The following CDR2 variants were observed in gnomAD, a reference collection of about 807,000 sequenced individuals.
The protein encoded by CDR2 is cerebellar degeneration-related protein 2.
In CDR2, 34 loss-of-function variants were observed where a neutral mutation model predicts 48.4. That is an observed-to-expected ratio of 0.70 (90% CI 0.53 to 0.94). The LOEUF is 0.94. Among genes scored for constraint, CDR2 ranks in the 40% least tolerant of loss-of-function variants. CDR2 has a pLI of 0.00. For missense variants in CDR2, 498 were observed against 549.5 expected (o/e 0.91, Z 0.94); for synonymous variants, 240 against 219.7 (o/e 1.09, Z -0.82).
chr16:22,352,628 C>T (rs1287747102), intron 2 of CDR2, among the ~76,000 whole-genome samples: 1 of 151,924 alleles, frequency 6.6e-6, no homozygotes, highest in African/African-American at 2.4e-5. Flanking sequence ...CTATAAACAG[C>T]CTCACATCAG....
intron 1 of CDR2, among the ~76,000 whole-genome samples, chr16:22,368,460 G>T (rs758346788): frequency 4.6e-5 from 7 of 152,172 alleles, no homozygotes; most frequent in Non-Finnish European, 1.0e-4. Flanking sequence ...TCCGCCCACC[G>T]CGGCCTCCCC....
At position 22,347,392 on chromosome 16, in the gene CDR2, G is replaced by A. The variant is rs754719101; in HGVS notation, c.938C>T (p.Thr313Met). Reference protein sequence around the residue: ...RKPLKRSSSETILSSLAGSDI... With the variant: ...RKPLKRSSSEMILSSLAGSDI... ...ACTCCCTGCCAAGCTGCTGAGGATC[G>A]TCTCACTGCTGCTGCGCTTGAGAGG... Residue 313 changes from threonine (T) to methionine (M), a missense_variant, in exon 5 of 5, where the codon ACG becomes ATG. Coordinates refer to ENST00000268383, the MANE Select transcript of CDR2 (RefSeq NM_001802.2). 7 of 1,614,166 alleles carry A rather than the reference G, an allele frequency of 4.3e-6. No homozygotes were observed. The South Asian group carries it at 5.5e-5, about 13-fold the overall frequency.
intron 2 of CDR2, among the ~76,000 whole-genome samples, chr16:22,355,112 T>C (rs974100569): frequency 6.6e-6 from 1 of 152,244 alleles, no homozygotes; most frequent in African/African-American, 2.4e-5. Context: ...CATACATTTC[T>C]AGGACGTTTT....
chr16:22,354,033 G>A (rs916215489), intron 2 of CDR2, among the ~76,000 whole-genome samples: 5 of 152,238 alleles, frequency 3.3e-5, no homozygotes, highest in African/African-American at 9.6e-5. Flanking sequence ...AGAAGCTACT[G>A]TCATCTTTAT....
chr16:22,359,685 C>T (rs140308515), intron 2 of CDR2, among the ~76,000 whole-genome samples: 2 of 152,234 alleles, frequency 1.3e-5, no homozygotes, highest in East Asian at 3.9e-4. Context: ...TAGCTATTTG[C>T]AATTAAAATT....
At chr16:22,363,680 T>A (rs2049026011) in intron 2 of CDR2, among the ~76,000 whole-genome samples, 1 of 152,168 alleles carries the variant, frequency 6.6e-6, no homozygotes, top group South Asian at 2.1e-4. Context: ...CTGGGTCTAC[T>A]GTACCAATTT....
chr16:22,352,800 C>T (rs924488673), intron 2 of CDR2, among the ~76,000 whole-genome samples: 7 of 152,172 alleles, frequency 4.6e-5, no homozygotes, highest in Admixed American at 3.9e-4. Context: ...GCACATGGCA[C>T]GGTCTATAAA....
At chr16:22,371,994 C>G (rs1018633964) in intron 1 of CDR2, among the ~76,000 whole-genome samples, 14 of 152,056 alleles carry the variant, frequency 9.2e-5, no homozygotes, top group Non-Finnish European at 1.6e-4. Flanking sequence ...CCTCAGCCTC[C>G]CGAGTAGCTG....
At chr16:22,351,690 A>C (rs1222544281) in intron 2 of CDR2, among the ~76,000 whole-genome samples, 2 of 152,194 alleles carry the variant, frequency 1.3e-5, no homozygotes, top group Non-Finnish European at 2.9e-5. Context: ...ATTCACGAGA[A>C]ATTTATCAGA....
intron 2 of CDR2, among the ~76,000 whole-genome samples, chr16:22,359,003 T>C (rs1231109794): frequency 6.6e-6 from 1 of 152,228 alleles, no homozygotes; most frequent in African/African-American, 2.4e-5. Flanking sequence ...TTGGAGGTCA[T>C]GGTTATCTCA....
At chr16:22,350,400 G>A (rs1452798658) in intron 2 of CDR2, among the ~76,000 whole-genome samples, 6 of 152,058 alleles carry the variant, frequency 3.9e-5, no homozygotes, top group Non-Finnish European at 7.4e-5. Context: ...ATTGGCCATT[G>A]GTGACTGAAC....
chr16:22,354,645 T>C (rs1042620204), intron 2 of CDR2, among the ~76,000 whole-genome samples: 2 of 151,844 alleles, frequency 1.3e-5, no homozygotes, highest in Non-Finnish European at 2.9e-5. Flanking sequence ...CCCAGCACTT[T>C]GGGAGGCCAA....
chr16:22,371,941 A>G (rs968230666), intron 1 of CDR2, among the ~76,000 whole-genome samples: 3 of 151,698 alleles, frequency 2.0e-5, no homozygotes, highest in African/African-American at 7.3e-5. Flanking sequence ...GCACGATCTC[A>G]GCTCACTGCA....
intron 1 of CDR2, among the ~76,000 whole-genome samples, chr16:22,371,398 T>C (rs953311855): frequency 6.6e-6 from 1 of 152,082 alleles, no homozygotes; most frequent in Admixed American, 6.5e-5. Flanking sequence ...GGGCCTACAA[T>C]GTACGAGGCG....
chr16:22,349,954 C>T, intron 2 of CDR2, 105 bp from the exon 3 acceptor site: 3 of 1,005,734 alleles, frequency 3.0e-6, no homozygotes, highest in Non-Finnish European at 4.5e-6. Context: ...TTTGGGAGGC[C>T]AAGACGTGTG....
chr16:22,369,305 A>C (rs2049062074), intron 1 of CDR2, among the ~76,000 whole-genome samples: 2 of 151,036 alleles, frequency 1.3e-5, no homozygotes, highest in African/African-American at 4.9e-5. Context: ...AAAAAAAGAA[A>C]AAAAACAAAA....
intron 4 of CDR2, among the ~76,000 whole-genome samples, chr16:22,348,679 T>G (rs746438928): frequency 1.3e-5 from 2 of 152,220 alleles, no homozygotes; most frequent in Non-Finnish European, 2.9e-5. Flanking sequence ...CCACAGGTGA[T>G]CTGATGTACA....
intron 2 of CDR2, 38 bp from the exon 3 acceptor site, chr16:22,349,887 T>A: frequency 3.7e-6 from 6 of 1,603,496 alleles, no homozygotes; most frequent in Non-Finnish European, 5.1e-6. Flanking sequence ...CACAAACAGA[T>A]AAGATACCTG....
chr16:22,357,955 G>A (rs1031025452), intron 2 of CDR2, among the ~76,000 whole-genome samples: 1 of 152,200 alleles, frequency 6.6e-6, no homozygotes, highest in African/African-American at 2.4e-5. Flanking sequence ...TCACATGGTA[G>A]GAGCTTAATC....
Sources: gnomAD v4.1 joint callset for allele counts (sites outside exome capture counted in the v4.1 genomes callset) on GRCh38, gnomAD v4.1.1 for gene constraint, MANE v1.5 for transcripts, NCBI Gene and HGNC (gene_info 2026-07-23, HGNC 2026-07-21) for gene names.